GPX4: variants seen among roughly 807,000 people sequenced by gnomAD.
GPX4 encodes phospholipid hydroperoxide glutathione peroxidase GPX4.
A neutral mutation model predicts 27.8 loss-of-function variants in GPX4; 28 were observed. The ratio of observed to expected loss-of-function variants is 1.01; its 90% CI spans 0.75 to 1.38. The LOEUF is 1.38. Ranked by LOEUF, GPX4 falls within the 40% of genes most tolerant of loss-of-function variation. The pLI, the probability that GPX4 is intolerant of heterozygous loss-of-function variation, is 0.00. For synonymous variants in GPX4, 163 were observed against 107.8 expected (o/e 1.51, Z -3.17); for missense variants, 357 against 274.1 (o/e 1.30, Z -2.14).
chr19:1,106,732 C>G lies in GPX4; in HGVS notation c.*160C>G, dbSNP rs559566542. 4 of 864,620 alleles carry G rather than the reference C, an allele frequency of 4.6e-6. No individual in the cohort carries two copies. The highest frequency in any genetic ancestry group is 7.0e-6 in the Non-Finnish European group (4 of 571,580). 53.6% of individuals were successfully genotyped at this position (864,620 alleles called of 1,614,324 possible). On this transcript the variant is annotated 3_prime_UTR_variant, in exon 7 of 7. Coordinates refer to ENST00000354171, the MANE Select transcript of GPX4 (RefSeq NM_002085.5). ...GTCCCATGGCCTGCTGGGCTTGGCT[C>G]GGCGCCCCCACCCCTGGCTACCTTG... is the stretch of plus-strand genomic sequence containing the variant.
intron 4 of GPX4, 106 bp from the exon 5 acceptor site, chr19:1,106,136 G>T: frequency 9.1e-7 from 1 of 1,103,584 alleles, no homozygotes; most frequent in Non-Finnish European, 1.3e-6. Flanking sequence ...TGTGGCTGTG[G>T]AGGCAGCCGG....
Position 1,105,451 on chromosome 19 carries a change from C to T in GPX4, c.265C>T (p.Arg89Ter), listed in dbSNP as rs370419921. 9 of 1,612,696 alleles carry T rather than the reference C, an allele frequency of 5.6e-6. No homozygotes were observed. The highest frequency in any genetic ancestry group is 4.0e-5 in the African/African-American group (3 of 75,046). ...NYTQLVDLHA[R>*]YAECGLRILA... The stretch of plus-strand genomic sequence containing the variant: ...CACTCAGCTCGTCGACCTGCACGCC[C>T]GATACGCTGAGTGTGGTTTGCGGAT... Residue 89 changes from arginine (R) to a stop codon, truncating the protein, a stop_gained, in exon 3 of 7, where the codon CGA becomes TGA. Coordinates refer to ENST00000354171, the MANE Select transcript of GPX4 (RefSeq NM_002085.5). LOFTEE classifies it high-confidence loss of function.
rs755235087 is a variant in GPX4 at position 1,105,195 on chromosome 19, C to T, written c.94C>T (p.Arg32Trp). The T allele has an allele frequency of 8.7e-6, 14 of 1,613,012 alleles. No homozygotes were observed. The highest frequency in any genetic ancestry group is 1.7e-5 in the Admixed American group (1 of 60,024). ...PGLAGTMCAS[R>W]DDWRCARSMH... ...TTCCTTTGCCTTGCAGTGCGCGTCC[C>T]GGGACGACTGGCGCTGTGCGCGCTC... is the stretch of plus-strand genomic sequence containing the variant. The change falls in exon 2 of 7, where the codon CGG becomes TGG. Residue 32 changes from arginine to tryptophan, a missense_variant. Coordinates refer to ENST00000354171, the MANE Select transcript of GPX4 (RefSeq NM_002085.5).
intron 1 of GPX4, 103 bp from the exon 2 acceptor site, chr19:1,105,083 C>G: frequency 6.7e-7 from 1 of 1,494,824 alleles, no homozygotes; most frequent in Non-Finnish European, 9.1e-7. Flanking sequence ...GCCGCAGGGC[C>G]TCGGTGTCCC....
Position 1,104,055 on chromosome 19 carries a change from C to T in GPX4, c.12C>T (p.Gly4=), listed in dbSNP as rs1292492857. 27 of 1,519,220 alleles carry T rather than the reference C, an allele frequency of 1.8e-5. No homozygotes were observed. The highest frequency in any genetic ancestry group is 2.3e-4 in the Middle Eastern group (1 of 4,346). The allele number at this position is 1,519,220 out of a possible 1,614,324, so 94.1% of individuals were successfully genotyped here. Residue 4 remains glycine (G), a synonymous_variant, in exon 1 of 7, where the codon GGC becomes GGT. Coordinates refer to ENST00000354171, the MANE Select transcript of GPX4 (RefSeq NM_002085.5). The stretch of plus-strand genomic sequence containing the variant: ...CCAGCCCCGCCGCGATGAGCCTCGG[C>T]CGCCTTTGCCGCCTACTGAAGCCGG... MSL[G]RLCRLLKPAL... is the part of the protein sequence containing the mutation.
In GPX4 at chr19:1,106,432, G is replaced by A. The variant is rs1382186292; in HGVS notation, c.534G>A (p.Lys178=). 2.5e-6 allele frequency: 4 copies of A among 1,613,384 alleles called. No individual in the cohort carries two copies. The highest frequency in any genetic ancestry group is 1.1e-5 in the South Asian group (1 of 91,090). ...TCGACAAGAACGGCTGCGTGGTGAA[G>A]CGCTACGGACCCATGGAGGAGCCCC... The part of the protein sequence containing the change: ...FLIDKNGCVV[K]RYGPMEEPLV... Residue 178 remains lysine (K), a synonymous_variant, in exon 6 of 7, where the codon AAG becomes AAA. Transcript: ENST00000354171.
At chr19:1,105,845 TGGGGGTG>T in intron 4 of GPX4, 36 bp downstream of exon 4, 5 of 91,728 alleles carry the variant, frequency 5.5e-5, no homozygotes, top group African/African-American at 2.8e-4. Context: ...GCTGCTGGGG[TGGGGGTG>T]GGGGGGCTGC....
rs938832692 is a variant in GPX4 at position 1,105,575 on chromosome 19, TGGA to T, written c.324+67_324+69del. On this transcript the variant is annotated intron_variant, in intron 3 of 6. Coordinates refer to ENST00000354171, the MANE Select transcript of GPX4 (RefSeq NM_002085.5). ...GTGGGGGTCGGGGTGGGCTCCAGCC[TGGA>T]GAGGGCCTGGGAGTGTGCAGGGGGC... 3.7e-6 allele frequency: 6 copies of T among 1,600,790 alleles called. No homozygotes were observed. The Admixed American group carries it at 6.8e-5, about 18-fold the overall frequency.
chr19:1,106,583 G>T lies in GPX4; in HGVS notation c.*11G>T. On this transcript the variant is annotated 3_prime_UTR_variant, in exon 7 of 7. Coordinates refer to ENST00000354171, the MANE Select transcript of GPX4 (RefSeq NM_002085.5). ...CCCCACTATTTCTAGCTCCACAAGT[G>T]TGTGGCCCCGCCCGAGCCCCTGCCC... The T allele has an allele frequency of 6.2e-7, 1 of 1,613,370 alleles. No individual in the cohort carries two copies. Among genetic ancestry groups the T allele is most frequent in the South Asian group, 1.1e-5 (1 of 91,078 alleles).
rs550044041 is a variant in GPX4 at position 1,104,381 on chromosome 19, G to A, written c.84+254G>A. ...GGGGAAGGGGTTGTTCCACGCGCGC[G>A]GGTCGTGGTCGGGGAAGGGGCCGTC... is the stretch of plus-strand genomic sequence containing the variant. On this transcript the variant is annotated intron_variant, in intron 1 of 6. Transcript: ENST00000354171. 9.0e-6 allele frequency: 4 copies of A among 442,158 alleles called. No individual in the cohort carries two copies. The South Asian group carries it at 1.7e-4, about 19-fold the overall frequency. The allele number at this position is 442,158 out of a possible 1,614,324, so 27.4% of individuals were successfully genotyped here. A position where few individuals can be genotyped will look rare whatever the true frequency, so the allele number is the denominator to read the frequency against.
rs373571319 is a variant in GPX4, at chr19:1,106,472, T to C, written c.561+13T>C. The stretch of plus-strand genomic sequence containing the variant: ...GGAGGAGCCCCTGGTAGGTCCTCTC[T>C]AGGGAGCCCGCTTGAGGCTCGGGGG... On this transcript the variant is annotated intron_variant, in intron 6 of 6. Coordinates refer to ENST00000354171, the MANE Select transcript of GPX4 (RefSeq NM_002085.5). The C allele has an allele frequency of 1.3e-4, 217 of 1,611,554 alleles. No homozygotes were observed. The highest frequency in any genetic ancestry group is 4.9e-4 in the Middle Eastern group (3 of 6,066).
Position 1,104,105 on chromosome 19 carries a change from C to T in GPX4, c.62C>T (p.Ala21Val). The T allele has an allele frequency of 6.6e-7, 1 of 1,505,690 alleles. No homozygotes were observed. Among genetic ancestry groups the T allele is most frequent in the Non-Finnish European group, 8.8e-7 (1 of 1,134,250 alleles). The allele number at this position is 1,505,690 out of a possible 1,614,324, so 93.3% of individuals were successfully genotyped here. Reference protein sequence around the residue: ...KPALLCGALAAPGLAGTMCAS... With the variant: ...KPALLCGALAVPGLAGTMCAS... ...GCGCTGCTCTGTGGGGCTCTGGCCGCGCCTGGCCTGGCCGGGACCATGGTG... is the reference window on the plus strand; with the variant it reads ...GCGCTGCTCTGTGGGGCTCTGGCCGTGCCTGGCCTGGCCGGGACCATGGTG... The change falls in exon 1 of 7, where the codon GCG becomes GTG. Residue 21 changes from alanine to valine, a missense_variant. Transcript: ENST00000354171.
In GPX4 at chr19:1,105,389, A is replaced by G. The variant is rs760877738; in HGVS notation, c.203A>G (p.Asn68Ser). ...AGGGGCTTCGTGTGCATCGTCACCAACGTGGCCTCCCAGTGAGGCAAGACC... is the reference window on the plus strand; with the variant it reads ...AGGGGCTTCGTGTGCATCGTCACCAGCGTGGCCTCCCAGTGAGGCAAGACC... Reference protein sequence around the residue: ...KYRGFVCIVTNVASQUGKTEV... With the variant: ...KYRGFVCIVTSVASQUGKTEV... Residue 68 changes from asparagine (N) to serine (S), a missense_variant, in exon 3 of 7, where the codon AAC (asparagine) becomes AGC (serine). Asn to Ser is a conservative substitution (Grantham distance 46). Coordinates refer to ENST00000354171, the MANE Select transcript of GPX4 (RefSeq NM_002085.5). The G allele has an allele frequency of 5.0e-6, 8 of 1,610,506 alleles. No homozygotes were observed. Among genetic ancestry groups the G allele is most frequent in the African/African-American group, 1.3e-5 (1 of 74,880 alleles).
Position 1,105,369 on chromosome 19 carries a change from C to T in GPX4, c.183C>T (p.Gly61=), listed in dbSNP as rs778651341. The T allele has an allele frequency of 1.9e-6, 3 of 1,610,802 alleles. No homozygotes were observed. The highest frequency in any genetic ancestry group is 1.7e-5 in the Admixed American group (1 of 59,974). The change falls in exon 3 of 7, where the codon GGC becomes GGT. Residue 61 remains glycine, a synonymous_variant. Transcript: ENST00000354171. ...GHMVNLDKYR[G]FVCIVTNVAS... ...CTGACGCCGCCGATCCTCGCAGGGGCTTCGTGTGCATCGTCACCAACGTGG... is the reference window on the plus strand; with the variant it reads ...CTGACGCCGCCGATCCTCGCAGGGGTTTCGTGTGCATCGTCACCAACGTGG...
In GPX4 at chr19:1,106,747, T is replaced by G; in HGVS notation, c.*175T>G. On this transcript the variant is annotated 3_prime_UTR_variant, in exon 7 of 7. Transcript: ENST00000354171. The stretch of plus-strand genomic sequence containing the variant: ...GGGCTTGGCTCGGCGCCCCCACCCC[T>G]GGCTACCTTGTGGGAATAAACAGAC... 1.4e-6 allele frequency: 1 copy of G among 732,862 alleles called. No individual in the cohort carries two copies. Among genetic ancestry groups the G allele is most frequent in the Non-Finnish European group, 2.2e-6 (1 of 455,020 alleles). 45.4% of individuals were successfully genotyped at this position (732,862 alleles called of 1,614,324 possible). A position where few individuals can be genotyped will look rare whatever the true frequency, so the allele number is the denominator to read the frequency against.
In GPX4 at chr19:1,106,464, G is replaced by A; in HGVS notation, c.561+5G>A. On this transcript the variant is annotated splice_donor_5th_base_variant and intron_variant, in intron 6 of 6. Transcript: ENST00000354171. ...GGACCCATGGAGGAGCCCCTGGTAG[G>A]TCCTCTCTAGGGAGCCCGCTTGAGG... The A allele has an allele frequency of 6.2e-7, 1 of 1,612,784 alleles. No individual in the cohort carries two copies. The highest frequency in any genetic ancestry group is 1.7e-4 in the Middle Eastern group (1 of 6,056).
chr19:1,105,322 G>GA (rs751317795), intron 2 of GPX4, 42 bp downstream of exon 2: 7 of 1,612,516 alleles, frequency 4.3e-6, no homozygotes, highest in Non-Finnish European at 5.9e-6. Context: ...CGGGCCCTGG[G>GA]AGGGGGCCGT....
chr19:1,106,333 G>C (rs553318268), intron 5 of GPX4, 67 bp downstream of exon 5: 3 of 1,608,920 alleles, frequency 1.9e-6, no homozygotes, highest in East Asian at 4.5e-5. Context: ...GATGGGCAGC[G>C]GACAGGAAGG....
At position 1,105,755 on chromosome 19, in the gene GPX4, AC is replaced by A; in HGVS notation, c.425del (p.Pro142ArgfsTer?). Reference sequence around the variant, plus strand: ...ATCTGCGTGAACGGGGACGACGCCCACCCGCTGTGGAAGTGGATGAAGATCC... The same window carrying A: ...ATCTGCGTGAACGGGGACGACGCCCACCGCTGTGGAAGTGGATGAAGATCC... ...SKICVNGDDA[H>X]PLWKWMKIQP... On this transcript the variant is annotated frameshift_variant, in exon 4 of 7. Coordinates refer to ENST00000354171, the MANE Select transcript of GPX4 (RefSeq NM_002085.5). LOFTEE classifies it high-confidence loss of function. 1 of 1,544,100 alleles carries A rather than the reference AC, an allele frequency of 6.5e-7. No individual in the cohort carries two copies. The highest frequency in any genetic ancestry group is 8.8e-7 in the Non-Finnish European group (1 of 1,141,050).
Sources: allele counts gnomAD v4.1 joint callset, GRCh38; gene constraint gnomAD v4.1.1; transcripts MANE v1.5; gene names NCBI Gene and HGNC (gene_info 2026-07-23, HGNC 2026-07-21).